GCNA: variants seen among roughly 807,000 people sequenced by gnomAD.
The protein encoded by GCNA is germ cell nuclear acidic protein.
A neutral mutation model predicts 38.8 loss-of-function variants in GCNA; 3 were observed. That is an observed-to-expected ratio of 0.08 (90% CI 0.04 to 0.20). The LOEUF is 0.20. GCNA is among the 10% of genes least tolerant of loss of function. The pLI is 1.00. For missense variants in GCNA, 446 were observed against 578.6 expected (o/e 0.77, Z 2.35); for synonymous variants, 195 against 240.2 (o/e 0.81, Z 1.74).
intron 2 of GCNA, among the ~76,000 whole-genome samples, chrX:71,588,732 C>T (rs1010321440): frequency 2.7e-5 from 3 of 110,996 alleles, no homozygotes; most frequent in Non-Finnish European, 3.8e-5. Context: ...CAGGCTGAGG[C>T]AGGAGAATCA....
chrX:71,604,305 A>G lies in GCNA; in HGVS notation c.1028A>G (p.Asn343Ser). ...EVPVPAEDLCNEGQIASDEEE... is the reference protein window; with the variant it reads ...EVPVPAEDLCSEGQIASDEEE... ...CCTGTGCCAGCAGAAGATTTGTGTAATGAAGGCCAAATTGCTTCAGATGAA... is the reference window on the plus strand; with the variant it reads ...CCTGTGCCAGCAGAAGATTTGTGTAGTGAAGGCCAAATTGCTTCAGATGAA... Residue 343 changes from asparagine (N) to serine (S), a missense_variant, in exon 8 of 13, where the codon AAT becomes AGT. By Grantham distance (46) the Asn-to-Ser change is conservative. This residue lies in a region of GCNA where 160 missense variants were observed against 165.2 expected (regional missense o/e 0.97). Coordinates refer to ENST00000373696, the MANE Select transcript of GCNA (RefSeq NM_052957.5). The G allele has an allele frequency of 8.2e-7, 1 of 1,212,399 alleles. No homozygotes were observed. Among genetic ancestry groups the G allele is most frequent in the Non-Finnish European group, 1.1e-6 (1 of 895,687 alleles).
intron 7 of GCNA, among the ~76,000 whole-genome samples, chrX:71,599,609 A>G (rs1222413597): frequency 8.9e-6 from 1 of 112,164 alleles, no homozygotes; most frequent in African/African-American, 3.2e-5. Flanking sequence ...GGGATGAAGA[A>G]TGCTCCTATA....
intron 2 of GCNA, among the ~76,000 whole-genome samples, chrX:71,589,654 C>T (rs746058406): frequency 9.3e-6 from 1 of 107,183 alleles, no homozygotes; most frequent in East Asian, 2.9e-4. Flanking sequence ...TTAGTAGAGA[C>T]GGGATTTTGC....
chrX:71,580,769 C>T (rs1279374241), intron 1 of GCNA, 51 bp from the exon 2 acceptor site: 8 of 1,137,719 alleles, frequency 7.0e-6, no homozygotes, highest in South Asian at 1.9e-5. Context: ...CCACTGCGCC[C>T]GGCCGAGTTC....
At chrX:71,583,671 A>T (rs1259462054) in intron 2 of GCNA, among the ~76,000 whole-genome samples, 1 of 108,812 alleles carries the variant, frequency 9.2e-6, no homozygotes, top group Non-Finnish European at 1.9e-5. Context: ...AGAGCTATAA[A>T]ATTGGACATA....
intron 1 of GCNA, chrX:71,580,447 CT>C (rs995690661): frequency 4.1e-4 from 47 of 113,559 alleles, no homozygotes; most frequent in Admixed American, 7.8e-4. Flanking sequence ...TTCTGGCTTT[CT>C]TTTTTTTTTC....
At position 71,613,033 on chromosome X, in the gene GCNA, G is replaced by A. The variant is rs779277848; in HGVS notation, c.*51G>A. The stretch of plus-strand genomic sequence containing the variant: ...ATTATAGAAAAATTATGCAGGAGAT[G>A]GCTAGGATTAGCCTTGGGGATGTGA... On this transcript the variant is annotated 3_prime_UTR_variant, in exon 13 of 13. Transcript: ENST00000373696. The A allele has an allele frequency of 1.7e-6, 2 of 1,195,807 alleles. No homozygotes were observed. Among genetic ancestry groups the A allele is most frequent in the Non-Finnish European group, 2.3e-6 (2 of 883,970 alleles).
intron 9 of GCNA, among the ~76,000 whole-genome samples, chrX:71,606,926 C>T (rs1380238061): frequency 8.9e-6 from 1 of 111,930 alleles, no homozygotes; most frequent in African/African-American, 3.2e-5. Flanking sequence ...GAGGCTAGCC[C>T]GTTTGGACTC....
chrX:71,586,603 TG>T (rs2147711701), intron 2 of GCNA, among the ~76,000 whole-genome samples: 1 of 110,599 alleles, frequency 9.0e-6, no homozygotes, highest in South Asian at 3.8e-4. Context: ...GTTGGCCATG[TG>T]GCCATGTTAC....
intron 2 of GCNA, among the ~76,000 whole-genome samples, chrX:71,590,206 T>G (rs1357744089): frequency 1.8e-5 from 2 of 112,143 alleles, no homozygotes. Context: ...TCTTCCTTAG[T>G]GCTTTCCTTG....
Position 71,592,124 on chromosome X carries a change from A to T in GCNA, c.62A>T (p.Tyr21Phe). 8.3e-7 allele frequency: 1 copy of T among 1,203,664 alleles called. No homozygotes were observed. The highest frequency in any genetic ancestry group is 1.1e-6 in the Non-Finnish European group (1 of 889,065). ...LQEPEEDEDC[Y>F]ILNVQSSSDD... ...AAGTATCTCTTTTATTTTTGCAGTT[A>T]CATCCTTAATGTTCAGTCAAGCAGT... Residue 21 changes from tyrosine (Y) to phenylalanine (F), a missense_variant and splice_region_variant, in exon 3 of 13, where the codon TAC becomes TTC. Tyr to Phe is a conservative substitution (Grantham distance 22). Around this residue, in one of 7 missense-constraint regions of GCNA, gnomAD observed 21 missense variants for 16.5 expected, o/e 1.27. Transcript: ENST00000373696.
At chrX:71,598,087 A>C in intron 7 of GCNA, 49 bp downstream of exon 7, 1 of 955,208 alleles carries the variant, frequency 1.0e-6, no homozygotes, top group Non-Finnish European at 1.5e-6. Context: ...CCAAAGCCTC[A>C]TCACACGTGG....
At chrX:71,600,897 C>T (rs774025119) in intron 7 of GCNA, among the ~76,000 whole-genome samples, 5 of 111,844 alleles carry the variant, frequency 4.5e-5, no homozygotes, top group Non-Finnish European at 9.4e-5. Context: ...CATCCTGTTG[C>T]GCTATTAAAT....
chrX:71,612,424 A>G lies in GCNA; in HGVS notation c.1820A>G (p.Asp607Gly), dbSNP rs201675601. 2 of 1,204,824 alleles carry G rather than the reference A, an allele frequency of 1.7e-6. No individual in the cohort carries two copies. Among genetic ancestry groups the G allele is most frequent in the East Asian group, 5.9e-5 (2 of 33,695 alleles). The stretch of plus-strand genomic sequence containing the variant: ...TCCTGGCTGATTGATGGTATCCATG[A>G]TTCTCATGGTGACGCATGGAAGTAT... ...AASWLIDGIH[D>G]SHGDAWKYYA... Residue 607 changes from aspartate to glycine, a missense_variant, in exon 12 of 13, where the codon GAT becomes GGT. Physicochemically the swap from Asp to Gly is moderately conservative, Grantham distance 94 (BLOSUM62 -1). This residue lies in a region of GCNA where 60 missense variants were observed against 111.0 expected (regional missense o/e 0.54). Coordinates refer to ENST00000373696, the MANE Select transcript of GCNA (RefSeq NM_052957.5).
Position 71,578,704 on chromosome X carries a change from T to G in GCNA, c.-3+182T>G, listed in dbSNP as rs1277002174. On this transcript the variant is annotated intron_variant, in intron 1 of 12. Transcript: ENST00000373696. Reference sequence around the variant, plus strand: ...AGAAGTGGAGGCGCCAGTGGTAGCATTGGGGGAGGTGGGGGCGCCCATGGT... The same window carrying G: ...AGAAGTGGAGGCGCCAGTGGTAGCAGTGGGGGAGGTGGGGGCGCCCATGGT... Among the ~76,000 whole-genome samples, 16 of 110,119 alleles carry G rather than the reference T, an allele frequency of 1.5e-4. No homozygotes were observed. In the Admixed American group the frequency reaches 1.5e-3, roughly 11 times the overall value.
intron 2 of GCNA, among the ~76,000 whole-genome samples, chrX:71,589,431 C>T (rs1319983713): frequency 1.0e-5 from 1 of 98,390 alleles, no homozygotes; most frequent in Non-Finnish European, 2.0e-5. Flanking sequence ...CTACAGCGTA[C>T]CTGGCCTGCA....
Position 71,597,118 on chromosome X carries a change from C to A in GCNA, c.222-832C>A, listed in dbSNP as rs771381864. Among the ~76,000 whole-genome samples, 3 of 110,906 alleles carry A rather than the reference C, an allele frequency of 2.7e-5. No homozygotes were observed. In the Admixed American group the frequency reaches 2.9e-4, roughly 11 times the overall value. On this transcript the variant is annotated intron_variant, in intron 6 of 12. Transcript: ENST00000373696. ...GAAAGGTGAGACGAGAACCAAAAGA[C>A]GACTTTGTCCCAGAAATCAAGAAAA...
rs978721815 is a variant in GCNA at position 71,604,195 on chromosome X, C to A, written c.918C>A (p.Asp306Glu). ...DDSSDDSEAPDDKSDDSDVPE... is the reference protein window; with the variant it reads ...DDSSDDSEAPEDKSDDSDVPE... The stretch of plus-strand genomic sequence containing the variant: ...GCAGTGATGATTCGGAAGCTCCCGA[C>A]GACAAGAGTGATGATTCGGATGTTC... Residue 306 changes from aspartate to glutamate, a missense_variant, in exon 8 of 13, where the codon GAC becomes GAA. Asp to Glu is a conservative substitution (Grantham distance 45, BLOSUM62 2). Around this residue, in one of 7 missense-constraint regions of GCNA, gnomAD observed 160 missense variants for 165.2 expected, o/e 0.97. Coordinates refer to ENST00000373696, the MANE Select transcript of GCNA (RefSeq NM_052957.5). The A allele has an allele frequency of 1.1e-5, 13 of 1,211,878 alleles. No homozygotes were observed. The South Asian group carries it at 1.6e-4, about 15-fold the overall frequency.
chrX:71,590,297 G>A (rs1251908161), intron 2 of GCNA, among the ~76,000 whole-genome samples: 1 of 111,771 alleles, frequency 8.9e-6, no homozygotes, highest in East Asian at 2.8e-4. Context: ...TCTCTGTCAT[G>A]TAACTTTTTG....
Sources: gnomAD v4.1 joint callset for allele counts (sites outside exome capture counted in the v4.1 genomes callset) on GRCh38, gnomAD v4.1.1 for gene constraint, gnomAD v4.1.1 regional missense constraint, MANE v1.5 for transcripts, NCBI Gene and HGNC (gene_info 2026-07-23, HGNC 2026-07-21) for gene names.